ZSWIM6: variants seen among roughly 807,000 people sequenced by gnomAD.
The protein encoded by ZSWIM6 is zinc finger SWIM-type containing 6, also known as zinc finger SWIM domain-containing protein 6.
In ZSWIM6, 9 loss-of-function variants were observed where a neutral mutation model predicts 113.2. The observed-to-expected ratio is 0.08, with a 90% CI of 0.05 to 0.14. The LOEUF (loss-of-function observed/expected upper bound fraction) is 0.14. Ranked by LOEUF, ZSWIM6 falls within the 10% of genes least tolerant of loss-of-function variation. The probability of loss-of-function intolerance (pLI) is 1.00; values close to 1 mark genes in which losing one functional copy is unlikely to be tolerated. For missense variants in ZSWIM6, 1,162 were observed against 1,552.2 expected (o/e 0.75, Z 4.22); for synonymous variants, 611 against 606.5 (o/e 1.01, Z -0.11).
At chr5:61,542,653 T>C (rs1347753879) in intron 13 of ZSWIM6, among the ~76,000 whole-genome samples, 1 of 152,234 alleles carries the variant, frequency 6.6e-6, no homozygotes, top group Non-Finnish European at 1.5e-5. Flanking sequence ...ATTATTTTTC[T>C]TTCACTAACG....
At chr5:61,497,147 A>AT (rs1748341001) in intron 4 of ZSWIM6, among the ~76,000 whole-genome samples, 1 of 151,910 alleles carries the variant, frequency 6.6e-6, no homozygotes, top group African/African-American at 2.4e-5. Flanking sequence ...GAAAGCCCTA[A>AT]TCTGATGAAA....
At chr5:61,378,395 A>G (rs1349214435) in intron 1 of ZSWIM6, among the ~76,000 whole-genome samples, 2 of 152,212 alleles carry the variant, frequency 1.3e-5, no homozygotes, top group African/African-American at 4.8e-5. Context: ...AGAACAGTAT[A>G]TGTGTTTTGC....
intron 9 of ZSWIM6, among the ~76,000 whole-genome samples, chr5:61,534,812 A>G (rs1749532976): frequency 6.6e-6 from 1 of 152,216 alleles, no homozygotes; most frequent in Admixed American, 6.5e-5. Context: ...TGCTTTTAAA[A>G]TTGGCTTTCA....
At chr5:61,403,219 G>T (rs1490383766) in intron 1 of ZSWIM6, among the ~76,000 whole-genome samples, 1 of 152,114 alleles carries the variant, frequency 6.6e-6, no homozygotes, top group East Asian at 1.9e-4. Flanking sequence ...CCATCAGCAG[G>T]ATTTATTTTA....
intron 1 of ZSWIM6, among the ~76,000 whole-genome samples, chr5:61,412,068 T>G (rs1409994126): frequency 2.0e-5 from 3 of 152,246 alleles, no homozygotes; most frequent in African/African-American, 7.2e-5. Context: ...TATGTTAGCC[T>G]TGTAACTTTA....
At chr5:61,353,025 G>A (rs140595557) in intron 1 of ZSWIM6, among the ~76,000 whole-genome samples, 1,532 of 151,956 alleles carry the variant, frequency 0.01, 94 homozygotes, top group Admixed American at 0.088. Flanking sequence ...TTTTTTCCCC[G>A]TCTGTTGATC....
intron 1 of ZSWIM6, among the ~76,000 whole-genome samples, chr5:61,434,168 T>A (rs1044090056): frequency 4.1e-4 from 60 of 147,486 alleles, no homozygotes; most frequent in Non-Finnish European, 7.5e-4. Flanking sequence ...ATATATGTAT[T>A]ATATATACTA....
rs183412547 is a variant in ZSWIM6, at chr5:61,424,191, G to A, written c.677-48490G>A. The stretch of plus-strand genomic sequence containing the variant: ...TAGAAGGAGATGGACTTTAATATAA[G>A]GAGTATCTTTTTCCATCTTTCTAAA... On this transcript the variant is annotated intron_variant, in intron 1 of 13. Coordinates refer to ENST00000252744, the MANE Select transcript of ZSWIM6 (RefSeq NM_020928.2). Among the ~76,000 whole-genome samples, 3 of 152,280 alleles carry A rather than the reference G, an allele frequency of 2.0e-5. No homozygotes were observed. The East Asian group carries it at 5.8e-4, about 29-fold the overall frequency.
At chr5:61,492,364 A>G (rs991436928) in intron 3 of ZSWIM6, among the ~76,000 whole-genome samples, 2 of 152,084 alleles carry the variant, frequency 1.3e-5, no homozygotes, top group South Asian at 4.1e-4. Flanking sequence ...TATACACATT[A>G]TGTATGCCAT....
At chr5:61,433,019 AAAGG>A (rs1483059313) in intron 1 of ZSWIM6, among the ~76,000 whole-genome samples, 47 of 152,302 alleles carry the variant, frequency 3.1e-4, no homozygotes, top group African/African-American at 1.1e-3. Context: ...GGAACATGAA[AAAGG>A]AAGGAAGGAA....
At chr5:61,333,505 C>G (rs1409802657) in intron 1 of ZSWIM6, among the ~76,000 whole-genome samples, 2 of 152,038 alleles carry the variant, frequency 1.3e-5, no homozygotes, top group Admixed American at 6.5e-5. Flanking sequence ...GCTCGGCCGC[C>G]GCTCCTCCCA....
chr5:61,533,897 G>A (rs575458357), intron 9 of ZSWIM6, among the ~76,000 whole-genome samples: 11 of 152,310 alleles, frequency 7.2e-5, no homozygotes, highest in African/African-American at 2.4e-4. Context: ...GGCTTCTGAT[G>A]AGGGCACTCT....
chr5:61,445,130 T>C (rs1343570229), intron 1 of ZSWIM6, among the ~76,000 whole-genome samples: 1 of 152,250 alleles, frequency 6.6e-6, no homozygotes, highest in Non-Finnish European at 1.5e-5. Flanking sequence ...GTCTAATTGC[T>C]GGCATTCTAG....
chr5:61,492,575 A>T (rs946436125), intron 3 of ZSWIM6, among the ~76,000 whole-genome samples: 3 of 152,142 alleles, frequency 2.0e-5, no homozygotes, highest in African/African-American at 7.2e-5. Context: ...GTAAGTATCA[A>T]TGTAAAACTC....
chr5:61,372,379 C>G (rs1370052948), intron 1 of ZSWIM6, among the ~76,000 whole-genome samples: 3 of 152,004 alleles, frequency 2.0e-5, no homozygotes, highest in Admixed American at 6.6e-5. Flanking sequence ...TTGGTCTGCC[C>G]CAGCACTCCA....
At chr5:61,352,173 C>T (rs1281242116) in intron 1 of ZSWIM6, among the ~76,000 whole-genome samples, 4 of 152,208 alleles carry the variant, frequency 2.6e-5, no homozygotes, top group Non-Finnish European at 5.9e-5. Context: ...CTGGAATGCT[C>T]TTCTGTGCTT....
chr5:61,539,567 T>A (rs1228615434), intron 11 of ZSWIM6, 29 bp from the exon 12 acceptor site: 2 of 1,538,148 alleles, frequency 1.3e-6, no homozygotes. Context: ...TTGATTTGGT[T>A]TGGTTTGGTT....
intron 4 of ZSWIM6, among the ~76,000 whole-genome samples, chr5:61,508,018 A>G (rs1381778122): frequency 2.6e-5 from 4 of 152,222 alleles, no homozygotes; most frequent in Non-Finnish European, 5.9e-5. Flanking sequence ...ATCTTAGACC[A>G]GATCCTGGCT....
chr5:61,342,080 A>G (rs1485116100), intron 1 of ZSWIM6, among the ~76,000 whole-genome samples: 1 of 151,910 alleles, frequency 6.6e-6, no homozygotes, highest in South Asian at 2.1e-4. Flanking sequence ...GGGTTTCACC[A>G]TGTTGGCCAG....
Sources: gnomAD v4.1 joint callset for allele counts (sites outside exome capture counted in the v4.1 genomes callset) on GRCh38, gnomAD v4.1.1 for gene constraint, MANE v1.5 for transcripts, NCBI Gene and HGNC (gene_info 2026-07-23, HGNC 2026-07-21) for gene names.